The following RBFOX1 variants were observed in gnomAD, a reference collection of about 807,000 sequenced individuals.
The protein encoded by RBFOX1 is RNA binding fox-1 homolog 1.
RBFOX1 carries 8 observed loss-of-function variants against 57.7 expected under a neutral mutation model. That is an observed-to-expected ratio of 0.14 (90% CI 0.08 to 0.25). The LOEUF is 0.25. RBFOX1 is among the 10% of genes least tolerant of loss of function. The probability of loss-of-function intolerance (pLI) is 1.00; values close to 1 mark genes in which losing one functional copy is unlikely to be tolerated. For synonymous variants in RBFOX1, 326 were observed against 222.4 expected (o/e 1.47, Z -4.15); for missense variants, 611 against 548.5 (o/e 1.11, Z -1.14).
intron 2 of RBFOX1, among the ~76,000 whole-genome samples, chr16:6,607,501 T>A (rs929486276): frequency 4.0e-5 from 6 of 149,636 alleles, no homozygotes; most frequent in African/African-American, 1.2e-4. Context: ...TTCCTCTCTC[T>A]CCCCTCTCTT....
chr16:5,954,414 G>A lies in RBFOX1; in HGVS notation c.351+87079G>A, dbSNP rs372472142. Among the ~76,000 whole-genome samples, 16 of 152,196 alleles carry A rather than the reference G, an allele frequency of 1.1e-4. No homozygotes were observed. In the East Asian group the frequency reaches 2.5e-3, roughly 24 times the overall value. Reference sequence around the variant, plus strand: ...ACCACCGCTGGACACTGCTGAGAACGAAGCATTAAACCCAGCAGAAAATGA... The same window carrying A: ...ACCACCGCTGGACACTGCTGAGAACAAAGCATTAAACCCAGCAGAAAATGA... On this transcript the variant is annotated intron_variant, in intron 4 of 19. Coordinates refer to the RBFOX1 transcript ENST00000641259.
chr16:5,400,065 C>T (rs759050939), intron 1 of RBFOX1, among the ~76,000 whole-genome samples: 1 of 152,026 alleles, frequency 6.6e-6, no homozygotes, highest in East Asian at 1.9e-4. Context: ...CCATTGCTTG[C>T]TTTTCTTCTT....
chr16:6,840,326 G>A (rs900086983), intron 3 of RBFOX1, among the ~76,000 whole-genome samples: 3 of 152,180 alleles, frequency 2.0e-5, no homozygotes, highest in African/African-American at 7.2e-5. Flanking sequence ...CTGCAGGGCC[G>A]CCTCTAACAT....
chr16:7,417,561 T>TGTGTGTGC, intron 4 of RBFOX1, among the ~76,000 whole-genome samples: 1 of 151,662 alleles, frequency 6.6e-6, no homozygotes, highest in Non-Finnish European at 1.5e-5. Flanking sequence ...TGTGTGTGTG[T>TGTGTGTGC]TCACTTCTCT....
Position 7,610,118 on chromosome 16 carries a change from C to CTTTTTTTTTT in RBFOX1, c.676+2792_676+2801dup, listed in dbSNP as rs34468596. ...GGTGTGAGCCACTGCGCCCGGCCCC[C>CTTTTTTTTTT]TTTTTTTTTTTTTTTTTTTTTGAGG... On this transcript the variant is annotated intron_variant, in intron 10 of 15. Coordinates refer to ENST00000550418, the MANE Select transcript of RBFOX1 (RefSeq NM_018723.4). Among the ~76,000 whole-genome samples the CTTTTTTTTTT allele has an allele frequency of 9.0e-4, 59 of 65,604 alleles. 13 individuals are homozygous for CTTTTTTTTTT. Among genetic ancestry groups the CTTTTTTTTTT allele is most frequent in the African/African-American group, 4.1e-3 (51 of 12,422 alleles). 43.0% of individuals were successfully genotyped at this position (65,604 alleles called of 152,430 possible).
chr16:5,430,115 C>A (rs2067683526), intron 1 of RBFOX1, among the ~76,000 whole-genome samples: 2 of 152,136 alleles, frequency 1.3e-5, no homozygotes, highest in South Asian at 4.1e-4. Flanking sequence ...CTCCACTGAC[C>A]ATCAGCTGGG....
chr16:7,071,803 G>T (rs563736269), intron 4 of RBFOX1, among the ~76,000 whole-genome samples: 2 of 151,928 alleles, frequency 1.3e-5, no homozygotes, highest in African/African-American at 4.8e-5. Context: ...CTCATCATCT[G>T]TGTCTTCTAC....
chr16:6,166,757 G>A (rs990588540), intron 1 of RBFOX1, among the ~76,000 whole-genome samples: 2 of 152,088 alleles, frequency 1.3e-5, no homozygotes, highest in Admixed American at 6.5e-5. Context: ...CATGTGCCCA[G>A]CCCCGTGGGG....
chr16:5,646,632 C>A (rs1023920719), intron 3 of RBFOX1, among the ~76,000 whole-genome samples: 1 of 151,626 alleles, frequency 6.6e-6, no homozygotes, highest in South Asian at 2.1e-4. Context: ...AAGGGAAGAC[C>A]CTCTTATTTT....
intron 3 of RBFOX1, among the ~76,000 whole-genome samples, chr16:6,901,401 C>T (rs537023096): frequency 1.3e-5 from 2 of 152,218 alleles, no homozygotes; most frequent in Non-Finnish European, 2.9e-5. Context: ...GACGTTCCTA[C>T]TACCTTTGGG....
chr16:7,584,674 C>G (rs147130799), intron 6 of RBFOX1, among the ~76,000 whole-genome samples: 4 of 152,188 alleles, frequency 2.6e-5, no homozygotes, highest in Admixed American at 1.3e-4. Flanking sequence ...TGATGTTGAG[C>G]AAACAAATGC....
intron 3 of RBFOX1, among the ~76,000 whole-genome samples, chr16:6,707,060 A>G (rs919951717): frequency 2.0e-5 from 3 of 152,226 alleles, no homozygotes; most frequent in Non-Finnish European, 4.4e-5. Context: ...AACCACTGTC[A>G]TCATTTTGGT....
intron 1 of RBFOX1, among the ~76,000 whole-genome samples, chr16:6,305,344 G>A (rs1220773334): frequency 6.6e-6 from 1 of 152,204 alleles, no homozygotes; most frequent in Non-Finnish European, 1.5e-5. Context: ...AGGGATGTCA[G>A]TGCAATGCTG....
At chr16:5,495,614 C>G (rs1430496913) in intron 2 of RBFOX1, among the ~76,000 whole-genome samples, 1 of 152,206 alleles carries the variant, frequency 6.6e-6, no homozygotes, top group Non-Finnish European at 1.5e-5. Context: ...GCCAAGCTGG[C>G]TAAGACCAAC....
At chr16:6,743,633 C>T (rs1322162355) in intron 3 of RBFOX1, among the ~76,000 whole-genome samples, 4 of 151,690 alleles carry the variant, frequency 2.6e-5, no homozygotes, top group Non-Finnish European at 4.4e-5. Flanking sequence ...GTCCCAGCTA[C>T]GTGGGAGGCT....
chr16:5,385,518 G>A (rs2066233472), intron 1 of RBFOX1, among the ~76,000 whole-genome samples: 1 of 152,178 alleles, frequency 6.6e-6, no homozygotes, highest in African/African-American at 2.4e-5. Flanking sequence ...ATAATTCGGG[G>A]AGCATTCCTC....
At chr16:6,172,206 G>C (rs192574845) in intron 1 of RBFOX1, among the ~76,000 whole-genome samples, 51 of 152,284 alleles carry the variant, frequency 3.3e-4, no homozygotes, top group African/African-American at 1.2e-3. Flanking sequence ...GCAGCCAAGT[G>C]TGTCACTTTG....
intron 4 of RBFOX1, among the ~76,000 whole-genome samples, chr16:7,065,074 G>A (rs529533583): frequency 1.3e-5 from 2 of 152,192 alleles, no homozygotes; most frequent in African/African-American, 2.4e-5. Context: ...GAGTCACAGC[G>A]TGTTACTTGG....
chr16:6,461,382 G>A (rs1288575420), intron 2 of RBFOX1, among the ~76,000 whole-genome samples: 1 of 152,160 alleles, frequency 6.6e-6, no homozygotes, highest in African/African-American at 2.4e-5. Context: ...CACATTCTGA[G>A]GTTTGAGGGA....
Sources: gnomAD v4.1 joint callset for allele counts (sites outside exome capture counted in the v4.1 genomes callset) on GRCh38, gnomAD v4.1.1 for gene constraint, MANE v1.5 for transcripts, NCBI Gene and HGNC (gene_info 2026-07-23, HGNC 2026-07-21) for gene names.